MSTO1: variants seen among roughly 807,000 people sequenced by gnomAD.
MSTO1 encodes protein misato homolog 1.
In MSTO1, 24 loss-of-function variants were observed where a neutral mutation model predicts 55.7. The observed-to-expected ratio is 0.43, with a 90% CI of 0.31 to 0.61. The LOEUF (loss-of-function observed/expected upper bound fraction) is 0.61. MSTO1 is among the 20% of genes least tolerant of loss of function. The probability of loss-of-function intolerance (pLI) is 0.09; values close to 1 mark genes in which losing one functional copy is unlikely to be tolerated. For missense variants in MSTO1, 363 were observed against 625.7 expected (o/e 0.58, Z 4.48); for synonymous variants, 162 against 252.8 (o/e 0.64, Z 3.41).
the MSTO1 span, chr1:155,598,967 C>A: frequency 9.2e-7 from 1 of 1,082,136 alleles, no homozygotes; most frequent in Non-Finnish European, 1.4e-6. Flanking sequence ...TATCTTGTTA[C>A]CGTGGTAGTC....
At chr1:155,600,192 G>C in the MSTO1 span, among the ~76,000 whole-genome samples, 1 of 152,254 alleles carries the variant, frequency 6.6e-6, no homozygotes, top group Non-Finnish European at 1.5e-5. Flanking sequence ...TTCCTAGGCA[G>C]AGGTCCCTGC....
the MSTO1 span, among the ~76,000 whole-genome samples, chr1:155,568,945 G>A: frequency 6.7e-6 from 1 of 149,324 alleles, no homozygotes; most frequent in African/African-American, 2.5e-5. Context: ...TGCATCTCCC[G>A]GGTTCAAGTG....
the MSTO1 span, among the ~76,000 whole-genome samples, chr1:155,570,824 G>A: frequency 6.6e-6 from 1 of 152,082 alleles, no homozygotes; most frequent in Non-Finnish European, 1.5e-5. Context: ...TATGGTTTCA[G>A]GCATCCCCTG....
At chr1:155,575,796 T>TTTA in the MSTO1 span, among the ~76,000 whole-genome samples, 135 of 144,720 alleles carry the variant, frequency 9.3e-4, no homozygotes, top group Non-Finnish European at 1.6e-3. Flanking sequence ...CTTATTTTAT[T>TTTA]TTTATTTATT....
the MSTO1 span, among the ~76,000 whole-genome samples, chr1:155,583,552 G>A: frequency 2.6e-5 from 4 of 152,016 alleles, no homozygotes; most frequent in African/African-American, 9.7e-5. Flanking sequence ...TAATAAAGTA[G>A]TGAGGAAATA....
At chr1:155,606,286 T>TTAAGTTAAGGCA (rs1310541044), upstream of MSTO1, among the ~76,000 whole-genome samples, 1 of 142,546 alleles carries the variant, frequency 7.0e-6, no homozygotes, top group African/African-American at 2.5e-5. Context: ...CTCGAACTCC[T>TTAAGTTAAGGCA]GGCCTTAAGT....
chr1:155,581,697 C>T, the MSTO1 span, among the ~76,000 whole-genome samples: 3 of 151,942 alleles, frequency 2.0e-5, no homozygotes, highest in Admixed American at 6.6e-5. Context: ...CCACTGCGCC[C>T]GGCATGGAGA....
chr1:155,614,877 A>G lies in MSTO1; in HGVS notation c.*604A>G. On this transcript the variant is annotated 3_prime_UTR_variant, in exon 14 of 14. Coordinates refer to ENST00000245564, the MANE Select transcript of MSTO1 (RefSeq NM_018116.4). ...CTCGAAAATGGTGGGAAACCTAAGA[A>G]AGGAGGAGGGCTGTATTCACTGATC... 6.4e-7 allele frequency: 1 copy of G among 1,553,886 alleles called. No homozygotes were observed. Among genetic ancestry groups the G allele is most frequent in the South Asian group, 1.2e-5 (1 of 85,054 alleles).
chr1:155,591,257 G>A, the MSTO1 span: 1 of 1,601,776 alleles, frequency 6.2e-7, no homozygotes, highest in Admixed American at 1.7e-5. Context: ...TTCTGGCAGA[G>A]GCCATGGTGA....
intron 11 of MSTO1, 92 bp from the exon 12 acceptor site, chr1:155,613,370 T>A: frequency 1.3e-6 from 2 of 1,589,390 alleles, no homozygotes; most frequent in Non-Finnish European, 1.7e-6. Flanking sequence ...GCTTTGAATA[T>A]CTTGATCCAG....
chr1:155,612,605 G>C (rs751867036), intron 9 of MSTO1, 35 bp downstream of exon 9: 2 of 1,581,848 alleles, frequency 1.3e-6, no homozygotes, highest in Non-Finnish European at 8.6e-7. Context: ...ACTGCGGCAG[G>C]CTACAGGGCC....
chr1:155,595,133 G>A, the MSTO1 span, among the ~76,000 whole-genome samples: 1 of 115,708 alleles, frequency 8.6e-6, no homozygotes, highest in Non-Finnish European at 1.7e-5. Context: ...GCGAGATTCT[G>A]TCTAAAAAAA....
chr1:155,598,006 CAG>C, the MSTO1 span, among the ~76,000 whole-genome samples: 3 of 149,732 alleles, frequency 2.0e-5, no homozygotes, highest in Non-Finnish European at 1.5e-5. Flanking sequence ...TTAGTAGAAA[CAG>C]GGTTTCACCA....
chr1:155,604,188 T>C, the MSTO1 span, among the ~76,000 whole-genome samples: 2 of 152,218 alleles, frequency 1.3e-5, no homozygotes, highest in African/African-American at 4.8e-5. Flanking sequence ...GTCCACTTAT[T>C]CACAGATCTT....
chr1:155,568,302 A>G, the MSTO1 span, among the ~76,000 whole-genome samples: 1 of 150,270 alleles, frequency 6.7e-6, no homozygotes, highest in Non-Finnish European at 1.5e-5. Context: ...CTGGTCTTGA[A>G]CTCCTGACCT....
chr1:155,571,322 ATTG>A, the MSTO1 span, among the ~76,000 whole-genome samples: 1 of 151,972 alleles, frequency 6.6e-6, no homozygotes, highest in East Asian at 1.9e-4. Context: ...CTGTGATTTC[ATTG>A]TTGTTGTTGC....
At chr1:155,594,370 C>T in the MSTO1 span, among the ~76,000 whole-genome samples, 1 of 152,084 alleles carries the variant, frequency 6.6e-6, no homozygotes, top group Non-Finnish European at 1.5e-5. Flanking sequence ...CACTGTACTC[C>T]AGCCTGGGTG....
At chr1:155,587,556 A>C in the MSTO1 span, among the ~76,000 whole-genome samples, 2 of 150,876 alleles carry the variant, frequency 1.3e-5, no homozygotes, top group Non-Finnish European at 2.9e-5. Context: ...ATCCTGGCTA[A>C]CACGGTGAAA....
chr1:155,571,352 CTGT>C, the MSTO1 span, among the ~76,000 whole-genome samples: 1 of 152,054 alleles, frequency 6.6e-6, no homozygotes, highest in Non-Finnish European at 1.5e-5. Flanking sequence ...AGCTCATCAG[CTGT>C]TGTTAGTGTT....
Sources: gnomAD v4.1 joint callset for allele counts (sites outside exome capture counted in the v4.1 genomes callset) on GRCh38, gnomAD v4.1.1 for gene constraint, MANE v1.5 for transcripts, NCBI Gene and HGNC (gene_info 2026-07-23, HGNC 2026-07-21) for gene names.